Variants in TCF7L1 observed in about 807,000 individuals in gnomAD.
The protein encoded by TCF7L1 is transcription factor 7 like 1.
A neutral mutation model predicts 63.7 loss-of-function variants in TCF7L1; 18 were observed. That is an observed-to-expected ratio of 0.28 (90% confidence interval 0.20 to 0.42). The LOEUF (loss-of-function observed/expected upper bound fraction) is 0.42, where lower values mean the gene tolerates loss of function less well. Among genes scored for constraint, TCF7L1 ranks in the 10% least tolerant of loss-of-function variants. TCF7L1 has a pLI of 1.00. For missense variants in TCF7L1, 654 were observed against 779.3 expected (o/e 0.84, Z 1.91); for synonymous variants, 355 against 340.9 (o/e 1.04, Z -0.46).
Position 85,255,938 on chromosome 2 carries a change from G to A in TCF7L1, c.442-27557G>A, listed in dbSNP as rs114877623. ...GTCTGAGCCCCTTGCACCCCTCCCC[G>A]GGGATGATTGTCTGAGTTGGTGGAT... On this transcript the variant is annotated intron_variant, in intron 3 of 11. Coordinates refer to ENST00000282111, the MANE Select transcript of TCF7L1 (RefSeq NM_031283.3). Among the ~76,000 whole-genome samples, 1,298 of 152,248 alleles carry A rather than the reference G, an allele frequency of 8.5e-3. 10 individuals are homozygous for A. The highest frequency in any genetic ancestry group is 0.015 in the Non-Finnish European group (1,045 of 68,002).
intron 3 of TCF7L1, among the ~76,000 whole-genome samples, chr2:85,163,143 C>G (rs1678328627): frequency 6.6e-6 from 1 of 152,196 alleles, no homozygotes; most frequent in South Asian, 2.1e-4. Flanking sequence ...TAGAAATGGT[C>G]ATGCCCAGCC....
At chr2:85,161,983 A>G (rs1005624889) in intron 3 of TCF7L1, among the ~76,000 whole-genome samples, 12 of 152,118 alleles carry the variant, frequency 7.9e-5, no homozygotes. Flanking sequence ...GTGTTGGGCC[A>G]CAGGCCTGGT....
chr2:85,201,354 TG>T (rs1305817982), intron 3 of TCF7L1, among the ~76,000 whole-genome samples: 2 of 152,232 alleles, frequency 1.3e-5, no homozygotes, highest in African/African-American at 2.4e-5. Context: ...GCAAAAGTTT[TG>T]ATAAATTTTA....
At chr2:85,273,055 C>T (rs745813016) in intron 3 of TCF7L1, among the ~76,000 whole-genome samples, 3 of 151,926 alleles carry the variant, frequency 2.0e-5, no homozygotes, top group African/African-American at 4.8e-5. Context: ...ACCTGGGAGG[C>T]GGGGAGGGCA....
chr2:85,204,669 C>T (rs1185131803), intron 3 of TCF7L1, among the ~76,000 whole-genome samples: 1 of 152,092 alleles, frequency 6.6e-6, no homozygotes. Context: ...GCACGTGCAC[C>T]ACGCCCAGCT....
intron 3 of TCF7L1, among the ~76,000 whole-genome samples, chr2:85,168,737 T>C (rs1375132347): frequency 6.6e-6 from 1 of 152,132 alleles, no homozygotes; most frequent in Non-Finnish European, 1.5e-5. Flanking sequence ...TTCTCATGCC[T>C]CAGCCTTCTG....
intron 3 of TCF7L1, among the ~76,000 whole-genome samples, chr2:85,283,081 A>G (rs947831560): frequency 6.6e-6 from 1 of 151,906 alleles, no homozygotes; most frequent in Non-Finnish European, 1.5e-5. Flanking sequence ...AAGTGATGGA[A>G]ATGGATGGGG....
intron 3 of TCF7L1, among the ~76,000 whole-genome samples, chr2:85,254,617 C>CT (rs1680665684): frequency 6.6e-6 from 1 of 152,220 alleles, no homozygotes; most frequent in Non-Finnish European, 1.5e-5. Flanking sequence ...GTGGTTGTTG[C>CT]TTTTTAATTG....
intron 3 of TCF7L1, among the ~76,000 whole-genome samples, chr2:85,268,182 C>A (rs912954331): frequency 6.6e-6 from 1 of 152,142 alleles, no homozygotes; most frequent in African/African-American, 2.4e-5. Context: ...GCGGACTTTC[C>A]CATTCCCTCT....
At chr2:85,290,632 T>TA (rs1558657951) in intron 4 of TCF7L1, among the ~76,000 whole-genome samples, 1 of 151,936 alleles carries the variant, frequency 6.6e-6, no homozygotes. Flanking sequence ...AAAGTAAAAA[T>TA]AAAAAAGATA....
chr2:85,236,000 A>C (rs1333749178), intron 3 of TCF7L1, among the ~76,000 whole-genome samples: 4 of 152,118 alleles, frequency 2.6e-5, no homozygotes, highest in Non-Finnish European at 5.9e-5. Flanking sequence ...CTCTACAAAA[A>C]AAATCAAAAA....
intron 3 of TCF7L1, among the ~76,000 whole-genome samples, chr2:85,139,182 T>A (rs1314014577): frequency 6.6e-6 from 1 of 152,140 alleles, no homozygotes; most frequent in African/African-American, 2.4e-5. Context: ...CCAATTTTTG[T>A]ATTTTTAGTA....
intron 3 of TCF7L1, among the ~76,000 whole-genome samples, chr2:85,179,753 T>A (rs7601697): frequency 0.031 from 4,769 of 152,286 alleles, 271 homozygotes; most frequent in African/African-American, 0.11. Flanking sequence ...TGGTGTTGGT[T>A]TAGCTCCTTT....
At chr2:85,172,672 C>T (rs943898808) in intron 3 of TCF7L1, among the ~76,000 whole-genome samples, 11 of 152,258 alleles carry the variant, frequency 7.2e-5, no homozygotes, top group East Asian at 3.9e-4. Context: ...GTGATCTGCC[C>T]GCCTTGGCCT....
At chr2:85,305,891 A>G (rs999237247) in intron 8 of TCF7L1, among the ~76,000 whole-genome samples, 2 of 152,106 alleles carry the variant, frequency 1.3e-5, no homozygotes, top group African/African-American at 4.8e-5. Flanking sequence ...AGTGCCCCAC[A>G]CTGTGTCCTG....
intron 4 of TCF7L1, among the ~76,000 whole-genome samples, chr2:85,284,268 C>G (rs1681490034): frequency 6.6e-6 from 1 of 152,178 alleles, no homozygotes; most frequent in African/African-American, 2.4e-5. Context: ...CCTTGGCCTC[C>G]CAAAGTGCTG....
intron 4 of TCF7L1, among the ~76,000 whole-genome samples, chr2:85,299,080 T>C (rs991210642): frequency 6.8e-6 from 1 of 147,362 alleles, no homozygotes; most frequent in Non-Finnish European, 1.5e-5. Flanking sequence ...CCATTAAAAG[T>C]ATGGCCAAAA....
chr2:85,195,272 G>C (rs1679128574), intron 3 of TCF7L1, among the ~76,000 whole-genome samples: 1 of 152,186 alleles, frequency 6.6e-6, no homozygotes, highest in African/African-American at 2.4e-5. Context: ...CCAGCACCTG[G>C]CACAGTCAGT....
chr2:85,270,966 C>T (rs879608816), intron 3 of TCF7L1, among the ~76,000 whole-genome samples: 1 of 151,700 alleles, frequency 6.6e-6, no homozygotes, highest in Non-Finnish European at 1.5e-5. Flanking sequence ...CAAAATGCTG[C>T]GATTACAAGT....
Sources: allele counts gnomAD v4.1 joint callset (sites outside exome capture counted in the v4.1 genomes callset), GRCh38; gene constraint gnomAD v4.1.1; transcripts MANE v1.5; gene names NCBI Gene and HGNC (gene_info 2026-07-23, HGNC 2026-07-21).